SIPA1L1: variants seen among roughly 807,000 people sequenced by gnomAD.
SIPA1L1 encodes the protein signal-induced proliferation-associated 1-like protein 1.
A neutral mutation model predicts 162.7 loss-of-function variants in SIPA1L1; 26 were observed. That is an observed-to-expected ratio of 0.16 (90% CI 0.12 to 0.22). SIPA1L1 has a LOEUF of 0.22. Ranked by LOEUF, SIPA1L1 falls within the 10% of genes least tolerant of loss-of-function variation. SIPA1L1 has a pLI of 1.00. For missense variants in SIPA1L1, 1,874 were observed against 2,241.0 expected (o/e 0.84, Z 3.31); for synonymous variants, 829 against 837.4 (o/e 0.99, Z 0.17).
chr14:71,473,308 A>G (rs2047609946), intron 2 of SIPA1L1, among the ~76,000 whole-genome samples: 2 of 152,204 alleles, frequency 1.3e-5, no homozygotes, highest in South Asian at 4.1e-4. Context: ...CTGTAAGTCT[A>G]GAAATAAAAT....
intron 4 of SIPA1L1, among the ~76,000 whole-genome samples, chr14:71,565,115 G>A (rs1273432645): frequency 6.6e-6 from 1 of 152,114 alleles, no homozygotes; most frequent in Non-Finnish European, 1.5e-5. Context: ...TTCTTTTGGA[G>A]TTTGTATTTG....
intron 2 of SIPA1L1, among the ~76,000 whole-genome samples, chr14:71,396,476 C>G (rs1272137364): frequency 6.6e-6 from 1 of 152,096 alleles, no homozygotes; most frequent in African/African-American, 2.4e-5. Flanking sequence ...TTCATTTACC[C>G]TTGTACTTTG....
Position 71,588,169 on chromosome 14 carries a change from A to G in SIPA1L1, c.297A>G (p.Glu99=). Residue 99 remains glutamate (E), a synonymous_variant, in exon 5 of 24, where the codon GAA becomes GAG. Coordinates refer to ENST00000381232, the MANE Select transcript of SIPA1L1 (RefSeq NM_001386936.1). The surrounding 1 kb of genome is among the most constrained non-coding windows in gnomAD (Gnocchi z 4.3). ...NIKESSRSSQ[E]IETSSCLDSL... ...AAGAATCTAGCCGTTCAAGCCAGGA[A>G]ATAGAAACCTCAAGTTGCCTTGATA... is the stretch of plus-strand genomic sequence containing the variant. 6.2e-7 allele frequency: 1 copy of G among 1,614,192 alleles called. No individual in the cohort carries two copies. Among genetic ancestry groups the G allele is most frequent in the Non-Finnish European group, 8.5e-7 (1 of 1,180,008 alleles).
intron 2 of SIPA1L1, among the ~76,000 whole-genome samples, chr14:71,450,775 G>T (rs1226908040): frequency 6.6e-6 from 1 of 152,118 alleles, no homozygotes; most frequent in Non-Finnish European, 1.5e-5. Flanking sequence ...GAGGATGGGG[G>T]AAAAGGGAAC....
chr14:71,342,259 G>A (rs930443186), intron 2 of SIPA1L1, among the ~76,000 whole-genome samples: 2 of 151,920 alleles, frequency 1.3e-5, no homozygotes, highest in African/African-American at 2.4e-5. Flanking sequence ...CTGCATTTTT[G>A]GGGGCCATTT....
At chr14:71,473,365 A>G (rs1291342396) in intron 2 of SIPA1L1, among the ~76,000 whole-genome samples, 1 of 152,134 alleles carries the variant, frequency 6.6e-6, no homozygotes, top group Non-Finnish European at 1.5e-5. Context: ...AATAGTTATT[A>G]CTCTTTATAA....
chr14:71,482,945 A>G (rs781085374), intron 2 of SIPA1L1, among the ~76,000 whole-genome samples: 4 of 152,224 alleles, frequency 2.6e-5, no homozygotes, highest in Non-Finnish European at 5.9e-5. Flanking sequence ...CACAGGCAGC[A>G]GCCAACTCAT....
At chr14:71,495,795 A>G (rs2049703530) in intron 2 of SIPA1L1, among the ~76,000 whole-genome samples, 1 of 150,524 alleles carries the variant, frequency 6.6e-6, no homozygotes, top group Non-Finnish European at 1.5e-5. Context: ...CACACCTGTA[A>G]TCCCAGCACT....
chr14:71,726,074 C>A (rs1208604439), intron 19 of SIPA1L1, among the ~76,000 whole-genome samples: 3 of 152,140 alleles, frequency 2.0e-5, no homozygotes, highest in African/African-American at 7.2e-5. Flanking sequence ...GCCAGATAAA[C>A]CCCCTAAACC....
At chr14:71,472,065 G>A (rs2047503187) in intron 2 of SIPA1L1, among the ~76,000 whole-genome samples, 1 of 152,238 alleles carries the variant, frequency 6.6e-6, no homozygotes, top group East Asian at 1.9e-4. Context: ...GCCAGGTGCT[G>A]AGAGATGAGA....
intron 2 of SIPA1L1, among the ~76,000 whole-genome samples, chr14:71,433,929 TG>T (rs1258923176): frequency 6.6e-6 from 1 of 152,206 alleles, no homozygotes; most frequent in Non-Finnish European, 1.5e-5. Flanking sequence ...TCTAGAAAGT[TG>T]GAAGGTAGTA....
intron 2 of SIPA1L1, among the ~76,000 whole-genome samples, chr14:71,385,697 T>TC (rs1449462809): frequency 1.3e-5 from 2 of 149,944 alleles, no homozygotes; most frequent in East Asian, 3.9e-4. Context: ...TTTTTTTTTT[T>TC]TTTTTTTTTG....
chr14:71,539,757 C>A (rs866226944), intron 4 of SIPA1L1, among the ~76,000 whole-genome samples: 5 of 152,142 alleles, frequency 3.3e-5, no homozygotes, highest in African/African-American at 1.2e-4. Flanking sequence ...GAGCTCTTCC[C>A]ATGGAGAGAT....
chr14:71,697,184 G>A (rs1398090771), intron 13 of SIPA1L1, among the ~76,000 whole-genome samples: 1 of 152,162 alleles, frequency 6.6e-6, no homozygotes, highest in Non-Finnish European at 1.5e-5. Context: ...GGGGTGGAGA[G>A]AGCCTGGAAG....
intron 5 of SIPA1L1, among the ~76,000 whole-genome samples, chr14:71,592,715 A>G (rs150633087): frequency 1.4e-3 from 209 of 152,358 alleles, no homozygotes; most frequent in Non-Finnish European, 2.5e-3. Flanking sequence ...TGGCTGATGA[A>G]GCTATAATCA....
intron 2 of SIPA1L1, among the ~76,000 whole-genome samples, chr14:71,460,057 A>G (rs1595573360): frequency 6.6e-6 from 1 of 152,228 alleles, no homozygotes; most frequent in Non-Finnish European, 1.5e-5. Context: ...AAGTCAATAA[A>G]TCTTATGTCT....
At chr14:71,706,155 A>G (rs953486097) in intron 16 of SIPA1L1, among the ~76,000 whole-genome samples, 1 of 152,220 alleles carries the variant, frequency 6.6e-6, no homozygotes, top group Non-Finnish European at 1.5e-5. Flanking sequence ...GCTAAAAAAA[A>G]CAAGCAAGAG....
At chr14:71,685,304 C>G in intron 12 of SIPA1L1, 58 bp from the exon 13 acceptor site, 2 of 1,569,366 alleles carry the variant, frequency 1.3e-6, no homozygotes, top group Non-Finnish European at 1.7e-6. Flanking sequence ...CAATGTGGTT[C>G]CACCAGCAAG....
rs769801168 is a variant in SIPA1L1 at position 71,588,707 on chromosome 14, G to C, written c.835G>C (p.Glu279Gln). The C allele has an allele frequency of 6.2e-7, 1 of 1,613,982 alleles. No individual in the cohort carries two copies. The highest frequency in any genetic ancestry group is 1.1e-5 in the South Asian group (1 of 91,068). Reference protein sequence around the residue: ...RENLRLFKEREKPLKRRSKSE... With the variant: ...RENLRLFKERQKPLKRRSKSE... ...GAACCTCAGGCTTTTTAAGGAAAGG[G>C]AAAAACCACTCAAGCGACGTTCAAA... is the stretch of plus-strand genomic sequence containing the variant. Residue 279 changes from glutamate (E) to glutamine (Q), a missense_variant, in exon 5 of 24, where the codon GAA (glutamate) becomes CAA (glutamine). Transcript: ENST00000381232. The surrounding 1 kb of genome is among the most constrained non-coding windows in gnomAD (Gnocchi z 4.3).
Sources: allele counts gnomAD v4.1 joint callset (sites outside exome capture counted in the v4.1 genomes callset), GRCh38; gene constraint gnomAD v4.1.1; non-coding constraint Gnocchi (gnomAD v3.1); transcripts MANE v1.5; gene names NCBI Gene and HGNC (gene_info 2026-07-23, HGNC 2026-07-21).